The following NRXN3 variants were observed in gnomAD, a reference collection of about 807,000 sequenced individuals.
NRXN3 encodes neurexin III.
A neutral mutation model predicts 137.6 loss-of-function variants in NRXN3; 32 were observed. The observed-to-expected ratio is 0.23, with a 90% CI of 0.18 to 0.31. The LOEUF (loss-of-function observed/expected upper bound fraction) is 0.31. Ranked by LOEUF, NRXN3 falls within the 10% of genes least tolerant of loss-of-function variation. The pLI is 1.00. For missense variants in NRXN3, 1,574 were observed against 2,062.5 expected (o/e 0.76, Z 4.59); for synonymous variants, 798 against 784.5 (o/e 1.02, Z -0.29).
intron 15 of NRXN3, among the ~76,000 whole-genome samples, chr14:79,265,928 GCTT>G (rs1472756692): frequency 6.6e-6 from 1 of 152,070 alleles, no homozygotes; most frequent in Non-Finnish European, 1.5e-5. Context: ...ATAGTCATTT[GCTT>G]GAAATTAACA....
At chr14:79,620,083 G>T (rs1339244908) in intron 16 of NRXN3, among the ~76,000 whole-genome samples, 2 of 152,054 alleles carry the variant, frequency 1.3e-5, no homozygotes, top group African/African-American at 4.8e-5. Flanking sequence ...CTTGGCATTG[G>T]CTGGGTTTCA....
chr14:78,820,539 A>C (rs933120673), intron 10 of NRXN3, among the ~76,000 whole-genome samples: 3 of 152,098 alleles, frequency 2.0e-5, no homozygotes, highest in African/African-American at 7.2e-5. Context: ...AAAACTAAGA[A>C]GACTTTATAC....
At chr14:78,615,339 G>A (rs1013629252) in intron 4 of NRXN3, among the ~76,000 whole-genome samples, 4 of 151,418 alleles carry the variant, frequency 2.6e-5, no homozygotes, top group Non-Finnish European at 4.4e-5. Context: ...GGTGGCTCAC[G>A]CCTATAATCC....
chr14:78,485,588 A>G (rs1444345159), intron 4 of NRXN3, among the ~76,000 whole-genome samples: 1 of 152,252 alleles, frequency 6.6e-6, no homozygotes, highest in Non-Finnish European at 1.5e-5. Flanking sequence ...TTGCTATTAC[A>G]TCAGCATTGT....
At chr14:79,834,221 C>T (rs79222176) in intron 20 of NRXN3, among the ~76,000 whole-genome samples, 3,792 of 152,166 alleles carry the variant, frequency 0.025, 152 homozygotes, top group African/African-American at 0.084. Flanking sequence ...ATTTCTAATA[C>T]TGGGAGTTTA....
intron 4 of NRXN3, among the ~76,000 whole-genome samples, chr14:78,627,976 A>G (rs1416880599): frequency 2.0e-5 from 3 of 151,996 alleles, no homozygotes; most frequent in Non-Finnish European, 2.9e-5. Context: ...AAAATTCATG[A>G]TGGAGTGCTG....
At chr14:79,184,691 G>T (rs972456522) in intron 15 of NRXN3, among the ~76,000 whole-genome samples, 8 of 152,170 alleles carry the variant, frequency 5.3e-5, no homozygotes, top group Non-Finnish European at 1.0e-4. Context: ...GCACTGAGTG[G>T]CTGAGGATAC....
intron 2 of NRXN3, among the ~76,000 whole-genome samples, chr14:78,270,495 C>T (rs1402658974): frequency 6.6e-6 from 1 of 152,200 alleles, no homozygotes; most frequent in Admixed American, 6.5e-5. Context: ...CCAAGGCCCT[C>T]ACCCTGCCGT....
chr14:78,681,288 G>A (rs17835534), intron 6 of NRXN3, among the ~76,000 whole-genome samples: 8,401 of 152,212 alleles, frequency 0.055, 277 homozygotes, highest in Middle Eastern at 0.14. Flanking sequence ...CTTCTGGAGC[G>A]GGAGTTAGAA....
At chr14:79,400,157 G>T (rs1401614683) in intron 15 of NRXN3, among the ~76,000 whole-genome samples, 1 of 152,110 alleles carries the variant, frequency 6.6e-6, no homozygotes, top group Non-Finnish European at 1.5e-5. Flanking sequence ...ACATTCTGAG[G>T]TTCCAGGGGG....
At chr14:79,090,867 A>G (rs1046027683) in intron 15 of NRXN3, among the ~76,000 whole-genome samples, 16 of 152,156 alleles carry the variant, frequency 1.1e-4, no homozygotes, top group Admixed American at 5.2e-4. Flanking sequence ...AAAATTTCCC[A>G]GCATTTACAG....
At chr14:78,498,620 A>C (rs1431261463) in intron 4 of NRXN3, among the ~76,000 whole-genome samples, 1 of 152,106 alleles carries the variant, frequency 6.6e-6, no homozygotes, top group East Asian at 1.9e-4. Flanking sequence ...TGGTGCATAC[A>C]CTTATATTTG....
intron 15 of NRXN3, among the ~76,000 whole-genome samples, chr14:79,087,848 G>T (rs1421810530): frequency 6.6e-6 from 1 of 152,176 alleles, no homozygotes; most frequent in Admixed American, 6.6e-5. Flanking sequence ...GAACTTACCT[G>T]GAAGAGTCCT....
chr14:78,967,536 T>A, intron 13 of NRXN3, 138 bp downstream of exon 13: 1 of 653,810 alleles, frequency 1.5e-6, no homozygotes, highest in Non-Finnish European at 2.6e-6. Context: ...AATGTTGAAT[T>A]ATCCTGTAAT....
intron 1 of NRXN3, among the ~76,000 whole-genome samples, chr14:78,182,050 G>A (rs2059849086): frequency 6.7e-6 from 1 of 149,526 alleles, no homozygotes; most frequent in South Asian, 2.1e-4. Flanking sequence ...ATTATGATGA[G>A]TGTTCTGAAG....
chr14:79,156,429 C>A (rs1171588677), intron 15 of NRXN3, among the ~76,000 whole-genome samples: 2 of 151,660 alleles, frequency 1.3e-5, no homozygotes, highest in African/African-American at 4.8e-5. Context: ...TTAAGAGTGA[C>A]AATCAGAAAC....
chr14:78,479,285 C>T (rs1053494214), intron 4 of NRXN3, among the ~76,000 whole-genome samples: 4 of 152,168 alleles, frequency 2.6e-5, no homozygotes, highest in African/African-American at 9.7e-5. Flanking sequence ...TAATGTTCTG[C>T]AAAGTTGAGA....
At chr14:78,474,393 A>T (rs2095340580) in intron 4 of NRXN3, among the ~76,000 whole-genome samples, 1 of 152,138 alleles carries the variant, frequency 6.6e-6, no homozygotes, top group South Asian at 2.1e-4. Flanking sequence ...GACCAATGTT[A>T]TATTAACTGC....
intron 15 of NRXN3, among the ~76,000 whole-genome samples, chr14:79,393,250 C>T (rs1352673796): frequency 3.3e-5 from 5 of 151,946 alleles, no homozygotes; most frequent in African/African-American, 1.2e-4. Context: ...GAGAAGAACA[C>T]AGAAAGCAAC....
Sources: gnomAD v4.1 joint callset for allele counts (sites outside exome capture counted in the v4.1 genomes callset) on GRCh38, gnomAD v4.1.1 for gene constraint, MANE v1.5 for transcripts, NCBI Gene and HGNC (gene_info 2026-07-23, HGNC 2026-07-21) for gene names.